Variants in PHKB observed in about 807,000 individuals in gnomAD.
PHKB encodes the protein phosphorylase b kinase regulatory subunit beta.
PHKB carries 122 observed loss-of-function variants against 152.1 expected under a neutral mutation model. That is an observed-to-expected ratio of 0.80 (90% CI 0.69 to 0.93). The LOEUF (loss-of-function observed/expected upper bound fraction) is 0.93, where lower values mean the gene tolerates loss of function less well. Among genes scored for constraint, PHKB ranks in the 40% least tolerant of loss-of-function variants. The pLI, the probability that PHKB is intolerant of heterozygous loss-of-function variation, is 0.00. For missense variants in PHKB, 1,304 were observed against 1,328.4 expected, an observed-to-expected ratio of 0.98 and a Z score of 0.29; for synonymous variants, 436 against 464.9, an observed-to-expected ratio of 0.94 and a Z score of 0.80.
chr16:47,478,466 ATTTTT>A (rs199656987), intron 1 of PHKB, among the ~76,000 whole-genome samples: 14 of 127,888 alleles, frequency 1.1e-4, no homozygotes, highest in African/African-American at 3.7e-4. Flanking sequence ...TTGCTGTGAA[ATTTTT>A]TTTTTTTTTT....
In PHKB at chr16:47,686,679, C is replaced by A. The variant is rs550060830; in HGVS notation, c.2631-2362C>A. 3.0e-4 allele frequency among the ~76,000 whole-genome samples: 45 copies of A among 152,248 alleles called. 2 individuals carry two copies. In the South Asian group the frequency reaches 9.3e-3, roughly 32 times the overall value. On this transcript the variant is annotated intron_variant, in intron 26 of 30. Coordinates refer to ENST00000323584, the MANE Select transcript of PHKB (RefSeq NM_000293.3). ...TATATAATGACTTATTTGGTACATT[C>A]CCATGTACTCATTATTTAGTGGGTA...
chr16:47,676,412 T>C (rs953368892), intron 26 of PHKB: 4 of 152,194 alleles, frequency 2.6e-5, no homozygotes, highest in African/African-American at 9.7e-5. Flanking sequence ...TGATTGGTCA[T>C]GTTTTGATAC....
intron 1 of PHKB, among the ~76,000 whole-genome samples, chr16:47,469,782 TAAAC>T (rs1466087431): frequency 6.6e-6 from 1 of 152,170 alleles, no homozygotes; most frequent in Non-Finnish European, 1.5e-5. Context: ...TAGAAATAAA[TAAAC>T]AAAATGTTTT....
intron 16 of PHKB, among the ~76,000 whole-genome samples, chr16:47,646,536 A>G (rs1973127887): frequency 6.7e-6 from 1 of 148,626 alleles, no homozygotes; most frequent in South Asian, 2.1e-4. Context: ...ATAATAAAAA[A>G]AAAAAAAACA....
intron 1 of PHKB, among the ~76,000 whole-genome samples, chr16:47,471,015 A>G (rs1345045372): frequency 2.0e-5 from 3 of 152,174 alleles, no homozygotes; most frequent in African/African-American, 4.8e-5. Flanking sequence ...ACCCTAGTCA[A>G]TGCACACTAT....
Position 47,699,072 on chromosome 16 carries a change from C to T in PHKB, c.3145-157C>T, listed in dbSNP as rs1974204271. 8.5e-6 allele frequency: 6 copies of T among 702,960 alleles called. No homozygotes were observed. The East Asian group carries it at 1.6e-4, about 19-fold the overall frequency. The allele number at this position is 702,960 out of a possible 1,614,324, so 43.5% of individuals were successfully genotyped here. ...AAAATATCTGTCTTTGTTTTATATA[C>T]ACCTCAGGAAAATGAAAGAAAAGCT... is the stretch of plus-strand genomic sequence containing the variant. On this transcript the variant is annotated intron_variant, in intron 30 of 30. Coordinates refer to ENST00000323584, the MANE Select transcript of PHKB (RefSeq NM_000293.3).
At chr16:47,466,970 A>G (rs1969680354) in intron 1 of PHKB, among the ~76,000 whole-genome samples, 1 of 152,116 alleles carries the variant, frequency 6.6e-6, no homozygotes, top group South Asian at 2.1e-4. Flanking sequence ...TTTACTACCT[A>G]TTTGATCCTG....
At chr16:47,463,682 T>G in intron 1 of PHKB, 1 of 507,120 alleles carries the variant, frequency 2.0e-6, no homozygotes, top group East Asian at 3.7e-5. Flanking sequence ...TAAGTGGATA[T>G]TATATAGTTT....
At position 47,663,680 on chromosome 16, in the gene PHKB, C is replaced by G. The variant is rs1311130630; in HGVS notation, c.2282C>G (p.Thr761Ser). 1 of 1,612,224 alleles carries G rather than the reference C, an allele frequency of 6.2e-7. No individual in the cohort carries two copies. Among genetic ancestry groups the G allele is most frequent in the East Asian group, 2.2e-5 (1 of 44,838 alleles). ...GACTCTATTATCCAATGTCTAGGTA[C>G]CGTTTCTGATCACATTGAGAGAGTC... ...EGPNFITKEGTVSDHIERVYR... is the reference protein window; with the variant it reads ...EGPNFITKEGSVSDHIERVYR... Residue 761 changes from threonine (T) to serine (S), a missense_variant, in exon 24 of 31, where the codon ACC (threonine) becomes AGC (serine). Physicochemically the swap from Thr to Ser is moderately conservative, Grantham distance 58. Coordinates refer to ENST00000323584, the MANE Select transcript of PHKB (RefSeq NM_000293.3).
intron 16 of PHKB, among the ~76,000 whole-genome samples, chr16:47,644,472 C>T (rs1276032513): frequency 6.6e-6 from 1 of 152,202 alleles, no homozygotes; most frequent in Non-Finnish European, 1.5e-5. Flanking sequence ...ACCCAACTCT[C>T]ACATAGATGT....
intron 1 of PHKB, among the ~76,000 whole-genome samples, chr16:47,464,372 G>T (rs550440897): frequency 6.6e-6 from 1 of 152,272 alleles, no homozygotes; most frequent in Admixed American, 6.5e-5. Context: ...CCACTTATCT[G>T]TTCTTCATCA....
Position 47,664,904 on chromosome 16 carries a change from G to T in PHKB, c.2356G>T (p.Ala786Ser). 1 of 1,613,532 alleles carries T rather than the reference G, an allele frequency of 6.2e-7. No individual in the cohort carries two copies. Among genetic ancestry groups the T allele is most frequent in the East Asian group, 2.2e-5 (1 of 44,874 alleles). Residue 786 changes from alanine to serine, a missense_variant, in exon 25 of 31, where the codon GCT (alanine) becomes TCT (serine). Ala to Ser is a moderately conservative substitution (Grantham distance 99, BLOSUM62 1). Coordinates refer to ENST00000323584, the MANE Select transcript of PHKB (RefSeq NM_000293.3). ...QKLWLAVRYG[A>S]AFTQKFSSSI... ...ACCCAGGTTGGCGGTGCGCTACGGG[G>T]CTGCATTTACCCAGAAATTTTCTTC...
chr16:47,551,597 A>G (rs943155872), intron 7 of PHKB, among the ~76,000 whole-genome samples: 2 of 152,076 alleles, frequency 1.3e-5, no homozygotes, highest in African/African-American at 4.8e-5. Flanking sequence ...TATGATTGCC[A>G]TTCTTTTGCA....
At chr16:47,468,041 A>G (rs1969699172) in intron 1 of PHKB, among the ~76,000 whole-genome samples, 1 of 152,196 alleles carries the variant, frequency 6.6e-6, no homozygotes, top group Admixed American at 6.5e-5. Flanking sequence ...AAACTAAACC[A>G]TTATTCTTCC....
intron 7 of PHKB, among the ~76,000 whole-genome samples, chr16:47,573,120 C>G (rs1971690906): frequency 6.6e-6 from 1 of 152,178 alleles, no homozygotes; most frequent in Admixed American, 6.5e-5. Flanking sequence ...TGGCTTGAGA[C>G]AGCTGCACAG....
At chr16:47,593,687 G>C (rs1972070746) in intron 11 of PHKB, 130 bp downstream of exon 11, 1 of 687,816 alleles carries the variant, frequency 1.5e-6, no homozygotes, top group African/African-American at 1.8e-5. Context: ...CTGCGCTTCA[G>C]TGATGTTAAT....
intron 13 of PHKB, among the ~76,000 whole-genome samples, chr16:47,609,976 A>G (rs1044575225): frequency 2.7e-5 from 4 of 149,586 alleles, no homozygotes; most frequent in Non-Finnish European, 4.5e-5. Flanking sequence ...GCTCTTTTTC[A>G]TCCACTGTCT....
intron 7 of PHKB, among the ~76,000 whole-genome samples, chr16:47,550,811 C>T (rs1225358583): frequency 6.6e-6 from 1 of 152,152 alleles, no homozygotes; most frequent in Non-Finnish European, 1.5e-5. Context: ...CACTTTGTAC[C>T]TCTGGTAGAA....
intron 1 of PHKB, among the ~76,000 whole-genome samples, chr16:47,471,726 AAACT>A (rs1271466100): frequency 6.6e-6 from 1 of 152,226 alleles, no homozygotes; most frequent in Admixed American, 6.5e-5. Context: ...AACGGAGAAT[AAACT>A]AACTTTAGAA....
Sources: gnomAD v4.1 joint callset for allele counts (sites outside exome capture counted in the v4.1 genomes callset) on GRCh38, gnomAD v4.1.1 for gene constraint, MANE v1.5 for transcripts, NCBI Gene and HGNC (gene_info 2026-07-23, HGNC 2026-07-21) for gene names.